The following ZNF438 variants were observed in gnomAD, a reference collection of about 807,000 sequenced individuals.
The protein encoded by ZNF438 is zinc finger protein 438.
Under a neutral mutation model 38.0 loss-of-function variants are expected in ZNF438, and 25 were observed. The observed-to-expected ratio is 0.66, with a 90% confidence interval of 0.48 to 0.92. The LOEUF is 0.92. Among genes scored for constraint, ZNF438 ranks in the 40% least tolerant of loss-of-function variants. ZNF438 has a pLI of 0.00. For synonymous variants in ZNF438, 372 were observed against 364.1 expected (o/e 1.02, Z -0.25); for missense variants, 1,007 against 999.6 (o/e 1.01, Z -0.10).
chr10:31,025,866 A>C (rs2056904016), intron 1 of ZNF438, among the ~76,000 whole-genome samples: 1 of 152,256 alleles, frequency 6.6e-6, no homozygotes, highest in Non-Finnish European at 1.5e-5. Flanking sequence ...TCAAACATTT[A>C]GAGTGTAAAG....
chr10:30,899,700 A>G (rs2134217988), intron 3 of ZNF438, among the ~76,000 whole-genome samples: 1 of 151,726 alleles, frequency 6.6e-6, no homozygotes, highest in Non-Finnish European at 1.5e-5. Flanking sequence ...TGTTTTGACA[A>G]CTCTTAGACT....
chr10:30,897,771 G>A (rs2041523680), intron 3 of ZNF438, among the ~76,000 whole-genome samples: 1 of 152,214 alleles, frequency 6.6e-6, no homozygotes, highest in South Asian at 2.1e-4. Context: ...GAGACAAGCA[G>A]ACAGTGGTGA....
intron 1 of ZNF438, among the ~76,000 whole-genome samples, chr10:30,981,452 C>T (rs915000829): frequency 3.3e-5 from 5 of 152,136 alleles, no homozygotes; most frequent in African/African-American, 4.8e-5. Context: ...TTGTTCTGTC[C>T]GCCTCCCCAT....
At chr10:30,896,211 G>A (rs145531206) in intron 3 of ZNF438, among the ~76,000 whole-genome samples, 74 of 150,960 alleles carry the variant, frequency 4.9e-4, no homozygotes, top group Middle Eastern at 3.4e-3. Context: ...CAGGAGAACG[G>A]CATGAACCTG....
chr10:31,009,038 T>TCAGC (rs1483832116), intron 1 of ZNF438, among the ~76,000 whole-genome samples: 4 of 152,252 alleles, frequency 2.6e-5, no homozygotes, highest in African/African-American at 9.6e-5. Flanking sequence ...CGTGTGCTTA[T>TCAGC]CAGCCATTCA....
chr10:30,926,051 A>G lies in ZNF438; in HGVS notation c.-115+15524T>C, dbSNP rs182148963. On this transcript the variant is annotated intron_variant, in intron 2 of 5. Coordinates refer to ENST00000413025, the Ensembl canonical transcript of ZNF438. ...AAAGGTACTTATGTCACACAGTCATAAAACACTTACTAAAAATACTGCTTG... is the reference window on the plus strand; with the variant it reads ...AAAGGTACTTATGTCACACAGTCATGAAACACTTACTAAAAATACTGCTTG... Among the ~76,000 whole-genome samples, 14 of 152,344 alleles carry G rather than the reference A, an allele frequency of 9.2e-5. No individual in the cohort carries two copies. The East Asian group carries it at 2.7e-3, about 29-fold the overall frequency.
intron 2 of ZNF438, among the ~76,000 whole-genome samples, chr10:30,933,703 G>T (rs1377627211): frequency 1.3e-5 from 2 of 152,148 alleles, no homozygotes; most frequent in African/African-American, 4.8e-5. Flanking sequence ...CTTGTCAAGA[G>T]GTCCAGATTT....
chr10:30,911,354 A>G (rs2043061845), intron 2 of ZNF438, among the ~76,000 whole-genome samples: 1 of 152,184 alleles, frequency 6.6e-6, no homozygotes, highest in Non-Finnish European at 1.5e-5. Flanking sequence ...ACTGTTCTCT[A>G]AAATAAGTAA....
At chr10:30,937,530 T>C (rs1156605530) in intron 2 of ZNF438, among the ~76,000 whole-genome samples, 2 of 152,318 alleles carry the variant, frequency 1.3e-5, no homozygotes, top group East Asian at 1.9e-4. Context: ...CACTTACTAT[T>C]ATGAGTTAGA....
Position 30,888,650 on chromosome 10 carries a change from T to C in ZNF438, c.-31-11585A>G, listed in dbSNP as rs1396705016. Among the ~76,000 whole-genome samples, 17 of 152,212 alleles carry C rather than the reference T, an allele frequency of 1.1e-4. 1 individual carries two copies. Among genetic ancestry groups the C allele is most frequent in the Admixed American group, 1.1e-3 (17 of 15,278 alleles). ...ATTTGGTTTGCTGTTCCTGCATTAG[T>C]TTGCTAAGGATGATGGCCTCCAGCT... On this transcript the variant is annotated intron_variant, in intron 3 of 5. Coordinates refer to ENST00000413025, the Ensembl canonical transcript of ZNF438.
chr10:30,872,114 G>A (rs10826885), intron 4 of ZNF438, among the ~76,000 whole-genome samples: 58,151 of 151,790 alleles, frequency 0.38, 11,436 homozygotes, highest in Admixed American at 0.41. Context: ...TGAGAGACTC[G>A]GCCAGGCACG....
At chr10:30,940,969 G>A (rs923529714) in intron 2 of ZNF438, among the ~76,000 whole-genome samples, 2 of 151,978 alleles carry the variant, frequency 1.3e-5, no homozygotes, top group Non-Finnish European at 2.9e-5. Flanking sequence ...TGGCACTTAG[G>A]ACTTAACGAC....
At chr10:31,010,176 CTTACT>C (rs1226401852) in intron 1 of ZNF438, among the ~76,000 whole-genome samples, 1 of 152,088 alleles carries the variant, frequency 6.6e-6, no homozygotes, top group Non-Finnish European at 1.5e-5. Context: ...TGCAGCAATG[CTTACT>C]TTAATGACAT....
chr10:31,001,544 TG>T (rs1338494626), intron 1 of ZNF438, among the ~76,000 whole-genome samples: 1 of 152,184 alleles, frequency 6.6e-6, no homozygotes, highest in Non-Finnish European at 1.5e-5. Flanking sequence ...AATTATATAT[TG>T]TATCATAAAG....
At chr10:31,014,271 T>C (rs1437145689) in intron 1 of ZNF438, among the ~76,000 whole-genome samples, 1 of 152,184 alleles carries the variant, frequency 6.6e-6, no homozygotes, top group African/African-American at 2.4e-5. Flanking sequence ...CTGGGTGGCT[T>C]AAACAACAGA....
intron 4 of ZNF438, among the ~76,000 whole-genome samples, chr10:30,863,621 T>C (rs1423606302): frequency 2.6e-5 from 4 of 152,350 alleles, no homozygotes; most frequent in South Asian, 2.1e-4. Context: ...GAAGAGTATG[T>C]CAGAGTTAAC....
chr10:30,993,914 T>C (rs2053780319), intron 1 of ZNF438, among the ~76,000 whole-genome samples: 1 of 152,278 alleles, frequency 6.6e-6, no homozygotes, highest in Non-Finnish European at 1.5e-5. Context: ...GAGATTATTC[T>C]CCAGCTGTAA....
At chr10:30,992,819 G>A (rs564718699) in intron 1 of ZNF438, among the ~76,000 whole-genome samples, 2 of 152,324 alleles carry the variant, frequency 1.3e-5, no homozygotes, top group Non-Finnish European at 2.9e-5. Flanking sequence ...CAAGGTACTA[G>A]AACTTGGAAT....
chr10:31,031,015 C>A (rs1403478232), intron 1 of ZNF438, among the ~76,000 whole-genome samples: 2 of 152,222 alleles, frequency 1.3e-5, no homozygotes, highest in East Asian at 3.8e-4. Context: ...GAGTACCGTG[C>A]TAACGATACC....
Sources: gnomAD v4.1 joint callset for allele counts (sites outside exome capture counted in the v4.1 genomes callset) on GRCh38, gnomAD v4.1.1 for gene constraint, MANE v1.5 for transcripts, NCBI Gene and HGNC (gene_info 2026-07-23, HGNC 2026-07-21) for gene names.